Variants in RBFOX1 observed in about 807,000 individuals in gnomAD.
RBFOX1 encodes the protein RNA binding protein fox-1 homolog 1.
A neutral mutation model predicts 57.7 loss-of-function variants in RBFOX1; 8 were observed. The observed-to-expected ratio is 0.14, with a 90% CI of 0.08 to 0.25. The LOEUF (loss-of-function observed/expected upper bound fraction) is 0.25. Among genes scored for constraint, RBFOX1 ranks in the 10% least tolerant of loss-of-function variants. The pLI is 1.00. For missense variants in RBFOX1, 611 were observed against 548.5 expected, an observed-to-expected ratio of 1.11 and a Z score of -1.14; for synonymous variants, 326 against 222.4, an observed-to-expected ratio of 1.47 and a Z score of -4.15.
chr16:7,599,530 G>A (rs961317109), intron 9 of RBFOX1, among the ~76,000 whole-genome samples: 2 of 152,000 alleles, frequency 1.3e-5, no homozygotes, highest in South Asian at 2.1e-4. Flanking sequence ...ATTATGTGAG[G>A]CATTTTAAGT....
At chr16:6,594,374 C>T (rs2097756391) in intron 2 of RBFOX1, among the ~76,000 whole-genome samples, 1 of 152,134 alleles carries the variant, frequency 6.6e-6, no homozygotes, top group Admixed American at 6.5e-5. Context: ...AACAAGAATG[C>T]ATGTGCGATT....
Position 6,687,187 on chromosome 16 carries a change from C to T in RBFOX1, c.-16+32537C>T, listed in dbSNP as rs558209134. Among the ~76,000 whole-genome samples the T allele has an allele frequency of 2.0e-5, 3 of 152,204 alleles. No individual in the cohort carries two copies. In the South Asian group the frequency reaches 6.2e-4, roughly 32 times the overall value. ...TCCTTTGAATTCTTGGTTTTAACAT[C>T]AGGTAGTAAATACCGTATGTTCTGA... On this transcript the variant is annotated intron_variant, in intron 3 of 15. Coordinates refer to ENST00000550418, the MANE Select transcript of RBFOX1 (RefSeq NM_018723.4).
chr16:7,703,598 C>A (rs969118362), intron 14 of RBFOX1, among the ~76,000 whole-genome samples: 1 of 152,164 alleles, frequency 6.6e-6, no homozygotes, highest in African/African-American at 2.4e-5. Flanking sequence ...TATGTTAAAA[C>A]CCTGGTGTGG....
At chr16:5,472,996 T>C (rs1303018366) in intron 2 of RBFOX1, among the ~76,000 whole-genome samples, 2 of 152,118 alleles carry the variant, frequency 1.3e-5, no homozygotes, top group Non-Finnish European at 2.9e-5. Context: ...ACCAGCTGGC[T>C]CCAGTCACCT....
At chr16:7,220,779 C>G (rs79239314) in intron 4 of RBFOX1, among the ~76,000 whole-genome samples, 1 of 152,242 alleles carries the variant, frequency 6.6e-6, no homozygotes, top group African/African-American at 2.4e-5. Flanking sequence ...TCAGGGCTGG[C>G]CGTACAATCA....
rs183588978 is a variant in RBFOX1 at position 6,393,240 on chromosome 16, A to C, written c.-64+76183A>C. 2.4e-3 allele frequency among the ~76,000 whole-genome samples: 373 copies of C among 152,288 alleles called. 2 individuals carry two copies. Among genetic ancestry groups the C allele is most frequent in the Non-Finnish European group, 3.6e-3 (245 of 68,016 alleles). The stretch of plus-strand genomic sequence containing the variant: ...TCATTTTTCTAAAACAAATTAAATG[A>C]CTCTGAGCATCCAGTCATTAGGGTT... On this transcript the variant is annotated intron_variant, in intron 2 of 15. Transcript: ENST00000550418.
chr16:6,732,768 G>A (rs2068997909), intron 3 of RBFOX1, among the ~76,000 whole-genome samples: 1 of 152,172 alleles, frequency 6.6e-6, no homozygotes, highest in Admixed American at 6.5e-5. Flanking sequence ...CTCTGTACAT[G>A]CTGCACACCT....
intron 1 of RBFOX1, among the ~76,000 whole-genome samples, chr16:5,436,409 C>A (rs2067919416): frequency 6.6e-6 from 1 of 152,232 alleles, no homozygotes; most frequent in Non-Finnish European, 1.5e-5. Flanking sequence ...TACACTCATA[C>A]AAAGCCTGGT....
At chr16:6,480,749 G>A (rs1230520208) in intron 2 of RBFOX1, among the ~76,000 whole-genome samples, 1 of 152,038 alleles carries the variant, frequency 6.6e-6, no homozygotes. Flanking sequence ...TTTTATCTCA[G>A]CAATTTATTT....
chr16:5,762,347 GA>G (rs1018508036), intron 3 of RBFOX1, among the ~76,000 whole-genome samples: 22 of 124,768 alleles, frequency 1.8e-4, no homozygotes, highest in Non-Finnish European at 3.6e-4. Flanking sequence ...GGCAGAAAAC[GA>G]ACAAAAAGAA....
intron 2 of RBFOX1, among the ~76,000 whole-genome samples, chr16:6,549,777 C>G: frequency 6.6e-6 from 1 of 151,960 alleles, no homozygotes; most frequent in African/African-American, 2.4e-5. Flanking sequence ...ATGAAATAGG[C>G]AGATGTAGAA....
chr16:7,169,473 C>T (rs1309345196), intron 4 of RBFOX1, among the ~76,000 whole-genome samples: 1 of 152,194 alleles, frequency 6.6e-6, no homozygotes, highest in Non-Finnish European at 1.5e-5. Context: ...GCACCTGCCT[C>T]TTCAAGTTGT....
chr16:7,246,566 G>A (rs1299689942), intron 4 of RBFOX1, among the ~76,000 whole-genome samples: 1 of 150,170 alleles, frequency 6.7e-6, no homozygotes, highest in Non-Finnish European at 1.5e-5. Flanking sequence ...CAAACGCCAA[G>A]CTTATTATGA....
At position 6,483,795 on chromosome 16, in the gene RBFOX1, G is replaced by C. The variant is rs769758978; in HGVS notation, c.-64+166738G>C. ...CCAACGTTAGCGCAGACACGGTGGC[G>C]GCGTGTGCGCCTCCGGGGCTGCTGA... On this transcript the variant is annotated intron_variant, in intron 2 of 15. Transcript: ENST00000550418. The C allele has an allele frequency of 1.3e-4, 175 of 1,383,544 alleles. 1 individual carries two copies. The highest frequency in any genetic ancestry group is 1.6e-4 in the Non-Finnish European group (166 of 1,068,226). 85.7% of individuals were successfully genotyped at this position (1,383,544 alleles called of 1,614,324 possible).
At chr16:6,486,866 C>A (rs2153111588) in intron 2 of RBFOX1, among the ~76,000 whole-genome samples, 1 of 152,084 alleles carries the variant, frequency 6.6e-6, no homozygotes, top group African/African-American at 2.4e-5. Flanking sequence ...ATTATGAATT[C>A]TCATGCATAA....
intron 1 of RBFOX1, among the ~76,000 whole-genome samples, chr16:6,079,558 A>G (rs2095967015): frequency 6.6e-6 from 1 of 151,398 alleles, no homozygotes; most frequent in Non-Finnish European, 1.5e-5. Context: ...TCCTGGGCTC[A>G]ACTGATCCAC....
chr16:7,015,793 AAT>A (rs1440785449), intron 3 of RBFOX1, among the ~76,000 whole-genome samples: 3 of 151,504 alleles, frequency 2.0e-5, no homozygotes, highest in Non-Finnish European at 4.4e-5. Flanking sequence ...TTTTCTGACT[AAT>A]AACATTTTCT....
intron 3 of RBFOX1, among the ~76,000 whole-genome samples, chr16:6,852,139 T>C (rs1053719036): frequency 6.6e-6 from 1 of 152,062 alleles, no homozygotes; most frequent in Non-Finnish European, 1.5e-5. Context: ...CTAACAGTTT[T>C]GGTGATCTGA....
chr16:6,870,389 A>T (rs1404607921), intron 3 of RBFOX1, among the ~76,000 whole-genome samples: 2 of 152,182 alleles, frequency 1.3e-5, no homozygotes, highest in Non-Finnish European at 2.9e-5. Context: ...TCTCATTTGC[A>T]TTTGGATTGT....
Sources: gnomAD v4.1 joint callset for allele counts (sites outside exome capture counted in the v4.1 genomes callset) on GRCh38, gnomAD v4.1.1 for gene constraint, MANE v1.5 for transcripts, NCBI Gene and HGNC (gene_info 2026-07-23, HGNC 2026-07-21) for gene names.